SLC16A3: variants seen among roughly 807,000 people sequenced by gnomAD.
SLC16A3 encodes the protein monocarboxylate transporter 4.
A neutral mutation model predicts 25.0 loss-of-function variants in SLC16A3; 22 were observed. That is an observed-to-expected ratio of 0.88 (90% CI 0.63 to 1.26). The LOEUF is 1.26. Ranked by LOEUF, SLC16A3 falls within the 50% of genes most tolerant of loss-of-function variation. SLC16A3 has a pLI of 0.00. For synonymous variants in SLC16A3, 390 were observed against 309.2 expected, an observed-to-expected ratio of 1.26 and a Z score of -2.74; for missense variants, 731 against 666.6, an observed-to-expected ratio of 1.10 and a Z score of -1.06.
chr17:82,218,640 A>G (rs1599545921), intron 1 of SLC16A3, among the ~76,000 whole-genome samples: 3 of 152,282 alleles, frequency 2.0e-5, no homozygotes, highest in East Asian at 3.9e-4. Context: ...AAAGCAGGTG[A>G]TACCTGAATG....
upstream of SLC16A3, among the ~76,000 whole-genome samples, chr17:82,225,265 A>AAAT (rs779543614): frequency 1.2e-4 from 18 of 152,136 alleles, no homozygotes; most frequent in Non-Finnish European, 2.4e-4. Context: ...TGTCAAAAAA[A>AAAT]AATAATAATA....
chr17:82,236,846 T>C lies in SLC16A3; in HGVS notation c.341T>C (p.Val114Ala). 1 of 1,606,938 alleles carries C rather than the reference T, an allele frequency of 6.2e-7. No individual in the cohort carries two copies. The highest frequency in any genetic ancestry group is 8.5e-7 in the Non-Finnish European group (1 of 1,179,802). ...TCCTTTTGCCGGAGCATCATCCAGG[T>C]CTACCTCACCACTGGGGTCATCACG... is the stretch of plus-strand genomic sequence containing the variant. ...AASFCRSIIQ[V>A]YLTTGVITGL... is the part of the protein sequence containing the mutation. The change falls in exon 3 of 5, where the codon GTC becomes GCC. Residue 114 changes from valine to alanine, a missense_variant. By Grantham distance (64) the Val-to-Ala change is moderately conservative. Transcript: ENST00000582743.
intron 4 of SLC16A3, 93 bp from the exon 5 acceptor site, chr17:82,238,609 C>A (rs1011645068): frequency 5.4e-6 from 7 of 1,305,562 alleles, no homozygotes; most frequent in Middle Eastern, 2.7e-4. Context: ...GTGACCCTTG[C>A]GTGCTGAGAC....
At chr17:82,225,896 C>T (rs2050418736), upstream of SLC16A3, among the ~76,000 whole-genome samples, 1 of 152,038 alleles carries the variant, frequency 6.6e-6, no homozygotes, top group Non-Finnish European at 1.5e-5. Context: ...CTGTGGTGAC[C>T]CTTGGAGAAA....
chr17:82,234,113 T>G (rs1190548589), intron 1 of SLC16A3: 6 of 152,256 alleles, frequency 3.9e-5, no homozygotes, highest in Non-Finnish European at 7.3e-5. Context: ...GTGCTGGGAT[T>G]ACAGGCGTGA....
At chr17:82,218,182 C>G (rs2050366777) in exon 1 of SLC16A3, among the ~76,000 whole-genome samples, 1 of 152,160 alleles carries the variant, frequency 6.6e-6, no homozygotes, top group Non-Finnish European at 1.5e-5. Flanking sequence ...CTGGGTAACC[C>G]TGGTGAGTGG....
chr17:82,239,825 G>A lies in SLC16A3; in HGVS notation c.*849G>A, dbSNP rs1326429055. 8 of 416,738 alleles carry A rather than the reference G, an allele frequency of 1.9e-5. No individual in the cohort carries two copies. The highest frequency in any genetic ancestry group is 1.8e-4 in the East Asian group (5 of 28,044). 25.8% of individuals were successfully genotyped at this position (416,738 alleles called of 1,614,324 possible). ...CTGCCTGGCTGGCAGTGTGCGTGGTGTGGTCAGTGCCCAGGGCTGGTCTTT... is the reference window on the plus strand; with the variant it reads ...CTGCCTGGCTGGCAGTGTGCGTGGTATGGTCAGTGCCCAGGGCTGGTCTTT... On this transcript the variant is annotated 3_prime_UTR_variant, in exon 5 of 5. Transcript: ENST00000582743.
At position 82,237,416 on chromosome 17, in the gene SLC16A3, C is replaced by G. The variant is rs750915194; in HGVS notation, c.646C>G (p.Arg216Gly). 2.5e-6 allele frequency: 4 copies of G among 1,570,726 alleles called. No individual in the cohort carries two copies. Among genetic ancestry groups the G allele is most frequent in the Non-Finnish European group, 8.6e-7 (1 of 1,158,792 alleles). The change falls in exon 4 of 5, where the codon CGC becomes GGC. Residue 216 changes from arginine to glycine, a missense_variant. By Grantham distance (125) the Arg-to-Gly change is moderately radical. Coordinates refer to ENST00000582743, the MANE Select transcript of SLC16A3 (RefSeq NM_004207.4). ...PGSGPPRPSR[R>G]LLDLSVFRDR... is the part of the protein sequence containing the mutation. ...CTCGGGGCCGCCGCGACCCTCCCGG[C>G]GCCTGCTAGACCTGAGCGTCTTCCG... is the stretch of plus-strand genomic sequence containing the variant.
At chr17:82,227,132 T>G (rs1599550050), upstream of SLC16A3, among the ~76,000 whole-genome samples, 1 of 152,160 alleles carries the variant, frequency 6.6e-6, no homozygotes, top group East Asian at 1.9e-4. Flanking sequence ...GGGCCAGGCC[T>G]GGGGGTCAGA....
At chr17:82,222,735 G>A (rs1410642480) in intron 1 of SLC16A3, among the ~76,000 whole-genome samples, 4 of 151,626 alleles carry the variant, frequency 2.6e-5, no homozygotes, top group East Asian at 1.9e-4. Context: ...CCAGGGAGGC[G>A]GAGGTTGCAA....
In SLC16A3 at chr17:82,238,721, CCA is replaced by C; in HGVS notation, c.1145_1146del (p.His382ArgfsTer29). The C allele has an allele frequency of 6.2e-7, 1 of 1,611,242 alleles. No individual in the cohort carries two copies. The highest frequency in any genetic ancestry group is 8.5e-7 in the Non-Finnish European group (1 of 1,179,368). On this transcript the variant is annotated frameshift_variant, in exon 5 of 5. Transcript: ENST00000582743. LOFTEE classifies it low-confidence loss of function (END_TRUNC). Reference protein sequence around the residue: ...PSGGKLLDATHVYMYVFILAG... With the variant: ...PSGGKLLDATXVYMYVFILAG... ...CCGCAGGCAAACTCCTGGATGCGAC[CCA>C]CGTCTACATGTACGTGTTCATCCTG...
chr17:82,225,666 C>G (rs896794480), upstream of SLC16A3, among the ~76,000 whole-genome samples: 3 of 152,250 alleles, frequency 2.0e-5, no homozygotes, highest in Non-Finnish European at 2.9e-5. Context: ...AGTCCTGGCC[C>G]CAGTCCTGTC....
chr17:82,227,136 G>A (rs117548183), upstream of SLC16A3, among the ~76,000 whole-genome samples: 4,783 of 152,264 alleles, frequency 0.031, 75 homozygotes, highest in South Asian at 0.073. Context: ...CAGGCCTGGG[G>A]GTCAGAACCA....
At chr17:82,224,280 G>A (rs1481348996), upstream of SLC16A3, among the ~76,000 whole-genome samples, 3 of 54,952 alleles carry the variant, frequency 5.5e-5, no homozygotes, top group Admixed American at 2.1e-4. Context: ...CCCTACACCC[G>A]TGCAGACACA....
At chr17:82,236,616 G>A (rs1394266630) in intron 2 of SLC16A3, 113 bp from the exon 3 acceptor site, 8 of 1,456,704 alleles carry the variant, frequency 5.5e-6, no homozygotes, top group African/African-American at 1.4e-5. Context: ...GGTGCCCCGC[G>A]GGGGGAGGGG....
At chr17:82,236,639 G>A (rs1018598115) in intron 2 of SLC16A3, 90 bp from the exon 3 acceptor site, 17 of 1,530,942 alleles carry the variant, frequency 1.1e-5, no homozygotes, top group Non-Finnish European at 1.5e-5. Flanking sequence ...GTGTGGGAAG[G>A]GGAGGCCGGC....
At chr17:82,218,905 G>A (rs563546125) in intron 1 of SLC16A3, among the ~76,000 whole-genome samples, 2 of 152,184 alleles carry the variant, frequency 1.3e-5, no homozygotes, top group African/African-American at 2.4e-5. Flanking sequence ...GCCGCCGGGG[G>A]CACCGCTAGG....
Position 82,239,033 on chromosome 17 carries a change from CTATT to C in SLC16A3, c.*63_*66del, listed in dbSNP as rs1378584137. 73 of 1,469,026 alleles carry C rather than the reference CTATT, an allele frequency of 5.0e-5. No individual in the cohort carries two copies. The highest frequency in any genetic ancestry group is 6.4e-5 in the Non-Finnish European group (71 of 1,103,844). 91.0% of individuals were successfully genotyped at this position (1,469,026 alleles called of 1,614,324 possible). A position where few individuals can be genotyped will look rare whatever the true frequency, so the allele number is the denominator to read the frequency against. On this transcript the variant is annotated 3_prime_UTR_variant, in exon 5 of 5. Coordinates refer to ENST00000582743, the MANE Select transcript of SLC16A3 (RefSeq NM_004207.4). ...GAGGTACAGAAGCCGGCAACGCTTGCTATTTATTTTACAAACTGGACTGGCTCAG... is the reference window on the plus strand; with the variant it reads ...GAGGTACAGAAGCCGGCAACGCTTGCTATTTTACAAACTGGACTGGCTCAG...
chr17:82,237,535 C>T lies in SLC16A3; in HGVS notation c.765C>T (p.Asp255=), dbSNP rs780196774. The T allele has an allele frequency of 1.8e-5, 29 of 1,611,516 alleles. No individual in the cohort carries two copies. In the South Asian group the frequency reaches 2.7e-4, roughly 15 times the overall value. Residue 255 remains aspartate, a synonymous_variant, in exon 4 of 5, where the codon GAC becomes GAT. Transcript: ENST00000582743. ...PPVFVVSYAK[D]LGVPDTKAAF... The stretch of plus-strand genomic sequence containing the variant: ...TGTTCGTGGTGAGCTACGCCAAGGA[C>T]CTGGGCGTGCCCGACACCAAGGCCG...
Sources: allele counts gnomAD v4.1 joint callset (sites outside exome capture counted in the v4.1 genomes callset), GRCh38; gene constraint gnomAD v4.1.1; transcripts MANE v1.5; gene names NCBI Gene and HGNC (gene_info 2026-07-23, HGNC 2026-07-21).